Variants in PDZD7 observed in about 807,000 individuals in gnomAD.
PDZD7 encodes PDZ domain-containing protein 7.
Under a neutral mutation model 84.7 loss-of-function variants are expected in PDZD7, and 72 were observed. That is an observed-to-expected ratio of 0.85 (90% CI 0.70 to 1.03). PDZD7 has a LOEUF of 1.03. Among genes scored for constraint, PDZD7 ranks in the 50% least tolerant of loss-of-function variants. The pLI is 0.00. For missense variants in PDZD7, 1,490 were observed against 1,412.9 expected, an observed-to-expected ratio of 1.05 and a Z score of -0.87; for synonymous variants, 594 against 580.7, an observed-to-expected ratio of 1.02 and a Z score of -0.33.
At position 101,010,289 on chromosome 10, in the gene PDZD7, T is replaced by C. The variant is rs972998837; in HGVS notation, c.2600A>G (p.Lys867Arg). Residue 867 changes from lysine (K) to arginine (R), a missense_variant, in exon 15 of 17, where the codon AAG becomes AGG. Physicochemically the swap from Lys to Arg is conservative, Grantham distance 26. Transcript: ENST00000619208. ...SGELKTVTLSKMKQSLGISIS... is the reference protein window; with the variant it reads ...SGELKTVTLSRMKQSLGISIS... ...GGACTCACCTAAGGACTGCTTCATC[T>C]TGGACAGTGTCACTGTCTTCAGCTC... 3.3e-5 allele frequency: 51 copies of C among 1,531,656 alleles called. No homozygotes were observed. Among genetic ancestry groups the C allele is most frequent in the Non-Finnish European group, 4.1e-5 (47 of 1,143,218 alleles). The allele number at this position is 1,531,656 out of a possible 1,614,324, so 94.9% of individuals were successfully genotyped here.
chr10:101,020,810 C>T, intron 6 of PDZD7, 132 bp from the exon 7 acceptor site: 1 of 695,764 alleles, frequency 1.4e-6, no homozygotes, highest in Non-Finnish European at 2.5e-6. Context: ...CATGCTCTGG[C>T]CGCACAGGCC....
At chr10:101,013,671 T>C (rs59770103) in intron 11 of PDZD7, among the ~76,000 whole-genome samples, 37 of 152,290 alleles carry the variant, frequency 2.4e-4, no homozygotes, top group African/African-American at 7.2e-4. Flanking sequence ...TTGTGCAGGT[T>C]GTAACCTGTA....
In PDZD7 at chr10:101,030,037, T is replaced by A. The variant is rs1938001475; in HGVS notation, c.183A>T (p.Ser61=). Residue 61 remains serine (S), a synonymous_variant, in exon 2 of 17, where the codon TCA becomes TCT. Transcript: ENST00000619208. ...TGAGGATGACGCGTCCCATGGGCGA[T>A]GAGGCTCGGATTCCGCGGGGGGGCC... is the stretch of plus-strand genomic sequence containing the variant. ...LNGPPRGIRA[S]SPMGRVILIN... The A allele has an allele frequency of 6.2e-7, 1 of 1,613,620 alleles. No homozygotes were observed. Among genetic ancestry groups the A allele is most frequent in the Non-Finnish European group, 8.5e-7 (1 of 1,179,906 alleles).
At chr10:101,029,887 T>A in intron 2 of PDZD7, 107 bp downstream of exon 2, 1 of 1,210,078 alleles carries the variant, frequency 8.3e-7, no homozygotes, top group Non-Finnish European at 1.2e-6. Flanking sequence ...GACTCCCATC[T>A]CTTGAATTCC....
In PDZD7 at chr10:101,008,520, G is replaced by C. The variant is rs775339895; in HGVS notation, c.3049C>G (p.Pro1017Ala). 3 of 1,534,136 alleles carry C rather than the reference G, an allele frequency of 2.0e-6. No homozygotes were observed. The highest frequency in any genetic ancestry group is 2.4e-5 in the South Asian group (2 of 83,916). ...TTAGAATCAGGAGTCTGGAGGGCTG[G>C]GGAGGGGGCTGGGCTGGGAGTTGGC... is the stretch of plus-strand genomic sequence containing the variant. ...LQPTPSPAPSPALQTPDSKPA... is the reference protein window; with the variant it reads ...LQPTPSPAPSAALQTPDSKPA... The change falls in exon 17 of 17, where the codon CCA (proline) becomes GCA (alanine). Residue 1017 changes from proline (P) to alanine (A), a missense_variant. By Grantham distance (27) the Pro-to-Ala change is conservative. Coordinates refer to ENST00000619208, the MANE Select transcript of PDZD7 (RefSeq NM_001195263.2).
At chr10:101,025,227 C>T (rs1292480152) in intron 2 of PDZD7, among the ~76,000 whole-genome samples, 2 of 151,952 alleles carry the variant, frequency 1.3e-5, no homozygotes, top group African/African-American at 2.4e-5. Flanking sequence ...TTTTTTCCCC[C>T]GAGACAAAGT....
chr10:101,017,419 G>T (rs951543116), intron 9 of PDZD7: 7 of 464,038 alleles, frequency 1.5e-5, no homozygotes, highest in Non-Finnish European at 2.7e-5. Context: ...TAGAGACAGG[G>T]TCTTGCTATG....
chr10:101,009,289 G>T lies in PDZD7; in HGVS notation c.2679C>A (p.Ile893=). 6.5e-7 allele frequency: 1 copy of T among 1,536,042 alleles called. No individual in the cohort carries two copies. The highest frequency in any genetic ancestry group is 1.2e-5 in the South Asian group (1 of 84,066). Reference sequence around the variant, plus strand: ...TGAGGAAAGCGGCCCCCCCAGGGAAGATCTTCTCTATCTTCACCATGGGCT... The same window carrying T: ...TGAGGAAAGCGGCCCCCCCAGGGAATATCTTCTCTATCTTCACCATGGGCT... ...KVQPMVKIEK[I]FPGGAAFLSG... The change falls in exon 16 of 17, where the codon ATC becomes ATA. Residue 893 remains isoleucine, a synonymous_variant. Coordinates refer to ENST00000619208, the MANE Select transcript of PDZD7 (RefSeq NM_001195263.2).
At chr10:101,022,407 T>A in intron 4 of PDZD7, 22 bp from the exon 5 acceptor site, 1 of 1,613,294 alleles carries the variant, frequency 6.2e-7, no homozygotes, top group Non-Finnish European at 8.5e-7. Flanking sequence ...CAGGGGGCCC[T>A]CAGGTGGGGT....
At chr10:101,013,224 A>T (rs572945924) in intron 11 of PDZD7, among the ~76,000 whole-genome samples, 1 of 152,328 alleles carries the variant, frequency 6.6e-6, no homozygotes, top group South Asian at 2.1e-4. Flanking sequence ...GGAGAGACAC[A>T]TGTGGTGCAG....
intron 8 of PDZD7, 29 bp downstream of exon 8, chr10:101,018,793 G>A: frequency 6.4e-7 from 1 of 1,556,620 alleles, no homozygotes; most frequent in Non-Finnish European, 8.7e-7. Context: ...GGCTGTGGAG[G>A]GAGCAGCCGC....
chr10:101,028,694 A>G (rs1310740022), intron 2 of PDZD7, among the ~76,000 whole-genome samples: 1 of 152,026 alleles, frequency 6.6e-6, no homozygotes, highest in Non-Finnish European at 1.5e-5. Context: ...AGTGTATCAG[A>G]GGGAGTATAG....
In PDZD7 at chr10:101,010,493, G is replaced by A. The variant is rs765565547; in HGVS notation, c.2396C>T (p.Pro799Leu). Residue 799 changes from proline to leucine, a missense_variant, in exon 15 of 17, where the codon CCG becomes CTG. Coordinates refer to ENST00000619208, the MANE Select transcript of PDZD7 (RefSeq NM_001195263.2). The part of the protein sequence containing the change: ...GKSPGRRSPS[P>L]VPTPAPSMTN... ...CATGCTGGGGGCAGGGGTAGGCACC[G>A]GGGATGGGGAGCGTCTACCTGGAGA... 3.3e-6 allele frequency: 5 copies of A among 1,534,508 alleles called. No homozygotes were observed. The South Asian group carries it at 3.6e-5, about 11-fold the overall frequency.
chr10:101,015,544 A>G, intron 11 of PDZD7, 92 bp downstream of exon 11: 2 of 1,450,144 alleles, frequency 1.4e-6, no homozygotes, highest in East Asian at 2.5e-5. Context: ...TGTCAAGCCC[A>G]GACACTGGTC....
Position 101,016,362 on chromosome 10 carries a change from G to A in PDZD7, c.1573+15C>T, listed in dbSNP as rs1440357273. 3.9e-6 allele frequency: 6 copies of A among 1,550,474 alleles called. No individual in the cohort carries two copies. The highest frequency in any genetic ancestry group is 2.4e-5 in the East Asian group (1 of 40,930). On this transcript the variant is annotated intron_variant, in intron 10 of 16. Transcript: ENST00000619208. The stretch of plus-strand genomic sequence containing the variant: ...TACTGTAAACTAGGCCTTGGTAAAG[G>A]GATGCATGAATTACCACGTCTCAGT...
In PDZD7 at chr10:101,010,529, C is replaced by T. The variant is rs1319411537; in HGVS notation, c.2360G>A (p.Gly787Asp). The T allele has an allele frequency of 2.2e-5, 33 of 1,528,066 alleles. No individual in the cohort carries two copies. The highest frequency in any genetic ancestry group is 2.9e-5 in the Non-Finnish European group (33 of 1,141,920). 94.7% of individuals were successfully genotyped at this position (1,528,066 alleles called of 1,614,324 possible). A position where few individuals can be genotyped will look rare whatever the true frequency, so the allele number is the denominator to read the frequency against. The change falls in exon 15 of 17, where the codon GGT becomes GAT. Residue 787 changes from glycine to aspartate, a missense_variant. Transcript: ENST00000619208. ...RSRSRSRSSR[G>D]QGKSPGRRSP... ...GCGTCTACCTGGAGACTTGCCTTGA[C>T]CCCGGCTGCTGCGGCTGCGGCTGCG...
Position 101,023,958 on chromosome 10 carries a change from C to T in PDZD7, c.337G>A (p.Val113Ile), listed in dbSNP as rs565096078. The T allele has an allele frequency of 6.2e-6, 10 of 1,614,236 alleles. No individual in the cohort carries two copies. The highest frequency in any genetic ancestry group is 5.5e-5 in the South Asian group (5 of 91,086). ...CTGCTGCCTTCCTCCACTTTGCTGA[C>T]GAAGATGCCCAGGCCATGCTCTGAG... Reference protein sequence around the residue: ...GGSEHGLGIFVSKVEEGSSAE... With the variant: ...GGSEHGLGIFISKVEEGSSAE... Residue 113 changes from valine to isoleucine, a missense_variant, in exon 3 of 17, where the codon GTC becomes ATC. Physicochemically the swap from Val to Ile is conservative, Grantham distance 29. Coordinates refer to ENST00000619208, the MANE Select transcript of PDZD7 (RefSeq NM_001195263.2).
rs1288240690 is a variant in PDZD7 at position 101,030,059 on chromosome 10, G to A, written c.161C>T (p.Pro54Leu). 1.2e-6 allele frequency: 2 copies of A among 1,614,000 alleles called. No homozygotes were observed. Among genetic ancestry groups the A allele is most frequent in the Admixed American group, 1.7e-5 (1 of 60,014 alleles). Reference protein sequence around the residue: ...LRKQQRLLNGPPRGIRASSPM... With the variant: ...LRKQQRLLNGLPRGIRASSPM... ...CGATGAGGCTCGGATTCCGCGGGGGGGCCCGTTCAGCAGCCGTTGTTGCTT... is the reference window on the plus strand; with the variant it reads ...CGATGAGGCTCGGATTCCGCGGGGGAGCCCGTTCAGCAGCCGTTGTTGCTT... The change falls in exon 2 of 17, where the codon CCC becomes CTC. Residue 54 changes from proline to leucine, a missense_variant. Physicochemically the swap from Pro to Leu is moderately conservative, Grantham distance 98 (BLOSUM62 -3). Transcript: ENST00000619208.
chr10:101,012,035 C>G lies in PDZD7; in HGVS notation c.1842-19G>C. The G allele has an allele frequency of 1.3e-6, 2 of 1,546,444 alleles. No homozygotes were observed. Among genetic ancestry groups the G allele is most frequent in the Non-Finnish European group, 1.7e-6 (2 of 1,143,534 alleles). ...CACACTCCTGGGAGAGGGCGAGAGACAGCAGGGGTGGGAGGGGCAGGCAGG... is the reference window on the plus strand; with the variant it reads ...CACACTCCTGGGAGAGGGCGAGAGAGAGCAGGGGTGGGAGGGGCAGGCAGG... On this transcript the variant is annotated intron_variant, in intron 12 of 16. Coordinates refer to ENST00000619208, the MANE Select transcript of PDZD7 (RefSeq NM_001195263.2).
Sources: allele counts gnomAD v4.1 joint callset (sites outside exome capture counted in the v4.1 genomes callset), GRCh38; gene constraint gnomAD v4.1.1; transcripts MANE v1.5; gene names NCBI Gene and HGNC (gene_info 2026-07-23, HGNC 2026-07-21).